MTMR12: variants seen among roughly 807,000 people sequenced by gnomAD.
MTMR12 encodes myotubularin related protein 12, also known as myotubularin-related protein 12.
A neutral mutation model predicts 96.7 loss-of-function variants in MTMR12; 33 were observed. The observed-to-expected ratio is 0.34, with a 90% CI of 0.26 to 0.46. The LOEUF (loss-of-function observed/expected upper bound fraction) is 0.46, where lower values mean the gene tolerates loss of function less well. MTMR12 is among the 20% of genes least tolerant of loss of function. The pLI is 1.00. For missense variants in MTMR12, 721 were observed against 896.1 expected (o/e 0.80, Z 2.49); for synonymous variants, 298 against 327.2 (o/e 0.91, Z 0.96).
At chr5:32,270,473 C>G (rs1749788592) in intron 5 of MTMR12, among the ~76,000 whole-genome samples, 1 of 152,198 alleles carries the variant, frequency 6.6e-6, no homozygotes, top group East Asian at 1.9e-4. Context: ...TTTGGAAAGA[C>G]TGTCAGAGGT....
chr5:32,290,870 C>T (rs749426597), intron 1 of MTMR12, among the ~76,000 whole-genome samples: 31 of 152,156 alleles, frequency 2.0e-4, no homozygotes, highest in Admixed American at 7.9e-4. Flanking sequence ...GCTCTTGGCC[C>T]GTTACTGGGC....
intron 1 of MTMR12, among the ~76,000 whole-genome samples, chr5:32,286,451 T>C (rs1750542683): frequency 2.6e-5 from 4 of 152,020 alleles, no homozygotes; most frequent in Admixed American, 2.0e-4. Flanking sequence ...TGGTTGAAAG[T>C]TGAGGCTGCA....
chr5:32,279,349 G>A (rs1488811436), intron 1 of MTMR12, among the ~76,000 whole-genome samples: 2 of 152,070 alleles, frequency 1.3e-5, no homozygotes, highest in African/African-American at 4.8e-5. Flanking sequence ...GAGGCCAGGA[G>A]GTCAAGGCTG....
chr5:32,232,008 C>T lies in MTMR12; in HGVS notation c.1675-1661G>A, dbSNP rs145371328. Among the ~76,000 whole-genome samples the T allele has an allele frequency of 1.8e-3, 272 of 152,364 alleles. 1 individual carries two copies. Among genetic ancestry groups the T allele is most frequent in the African/African-American group, 6.3e-3 (264 of 41,592 alleles). ...TGGTTCAAATAGTCTGGCTCCAGAG[C>T]CTGGGCTCTCTACTGAGCTCTCCTT... On this transcript the variant is annotated intron_variant, in intron 15 of 15. Transcript: ENST00000382142.
At chr5:32,306,194 G>T (rs1751359254) in intron 1 of MTMR12, among the ~76,000 whole-genome samples, 1 of 152,046 alleles carries the variant, frequency 6.6e-6, no homozygotes, top group Non-Finnish European at 1.5e-5. Context: ...TGGGCCCCGA[G>T]ATCAGACTGC....
intron 1 of MTMR12, among the ~76,000 whole-genome samples, chr5:32,298,675 G>A (rs1751014691): frequency 6.6e-6 from 1 of 152,028 alleles, no homozygotes; most frequent in South Asian, 2.1e-4. Flanking sequence ...GAGGCCAGGC[G>A]CAGTGGCTCA....
intron 7 of MTMR12, among the ~76,000 whole-genome samples, chr5:32,262,443 G>A (rs1484886627): frequency 3.3e-5 from 5 of 151,714 alleles, no homozygotes; most frequent in African/African-American, 1.2e-4. Context: ...TCTACAAAAA[G>A]CAGAAAAATT....
chr5:32,263,148 T>G lies in MTMR12; in HGVS notation c.678A>C (p.Ala226=), dbSNP rs1432404567. 2 of 1,614,116 alleles carry G rather than the reference T, an allele frequency of 1.2e-6. No homozygotes were observed. The highest frequency in any genetic ancestry group is 2.7e-5 in the African/African-American group (2 of 74,946). ...ERTKGNMKYK[A]VSVNEGYKVC... Reference sequence around the variant, plus strand: ...CTTTATAGCCTTCGTTGACACTCACTGCTTTGTACTTCATGTTGCCTTTGG... The same window carrying G: ...CTTTATAGCCTTCGTTGACACTCACGGCTTTGTACTTCATGTTGCCTTTGG... Residue 226 remains alanine, a synonymous_variant, in exon 7 of 16, where the codon GCA becomes GCC. Coordinates refer to ENST00000382142, the MANE Select transcript of MTMR12 (RefSeq NM_001040446.3).
chr5:32,282,420 AAAATAAATAAATAAATAAAT>A (rs202223564), intron 1 of MTMR12, among the ~76,000 whole-genome samples: 9 of 144,994 alleles, frequency 6.2e-5, no homozygotes, highest in East Asian at 3.9e-4. Context: ...GACTCCATCT[AAAATAAATAAATAAATAAAT>A]AAATAAATAA....
At chr5:32,298,050 A>C (rs1026788662) in intron 1 of MTMR12, among the ~76,000 whole-genome samples, 1 of 152,252 alleles carries the variant, frequency 6.6e-6, no homozygotes, top group Admixed American at 6.5e-5. Flanking sequence ...AAAGCTAGTT[A>C]GGATTTGGAT....
intron 1 of MTMR12, among the ~76,000 whole-genome samples, chr5:32,291,975 C>A (rs1005196820): frequency 1.1e-4 from 16 of 152,158 alleles, no homozygotes; most frequent in Non-Finnish European, 2.4e-4. Flanking sequence ...CATCCATGGA[C>A]TCACGGAATG....
intron 13 of MTMR12, 27 bp downstream of exon 13, chr5:32,238,974 G>C: frequency 6.5e-7 from 1 of 1,544,056 alleles, no homozygotes; most frequent in Non-Finnish European, 8.8e-7. Context: ...CCCTATGACG[G>C]AAACAGTCTG....
rs528536060 is a variant in MTMR12 at position 32,290,743 on chromosome 5, G to C, written c.82-14001C>G. Among the ~76,000 whole-genome samples, 132 of 152,328 alleles carry C rather than the reference G, an allele frequency of 8.7e-4. 1 individual carries two copies. Among genetic ancestry groups the C allele is most frequent in the African/African-American group, 3.1e-3 (130 of 41,572 alleles). ...TGCTTGAGGTGTCAGTGGCAGATAG[G>C]GATGCCATTTGGAGCCTTTGGCAGG... On this transcript the variant is annotated intron_variant, in intron 1 of 15. Transcript: ENST00000382142.
intron 7 of MTMR12, among the ~76,000 whole-genome samples, chr5:32,258,902 CAAAAA>C (rs5867141): frequency 4.4e-5 from 4 of 90,558 alleles, no homozygotes; most frequent in African/African-American, 1.5e-4. Context: ...TGGTCTTTCA[CAAAAA>C]AAAAAAAAAA....
intron 1 of MTMR12, among the ~76,000 whole-genome samples, chr5:32,308,794 G>A (rs141410513): frequency 2.0e-5 from 3 of 151,896 alleles, no homozygotes; most frequent in Non-Finnish European, 4.4e-5. Context: ...TAGTAGAGAC[G>A]GGGTTTCACC....
chr5:32,232,704 A>T (rs574004873), intron 15 of MTMR12, among the ~76,000 whole-genome samples: 2 of 152,362 alleles, frequency 1.3e-5, no homozygotes, highest in East Asian at 3.9e-4. Flanking sequence ...AATTCTGGTT[A>T]AACTGGCAGA....
chr5:32,286,078 G>A (rs1750529602), intron 1 of MTMR12, among the ~76,000 whole-genome samples: 1 of 152,222 alleles, frequency 6.6e-6, no homozygotes, highest in Non-Finnish European at 1.5e-5. Flanking sequence ...AGTGGCTCAT[G>A]TCTATAATCC....
intron 1 of MTMR12, among the ~76,000 whole-genome samples, chr5:32,299,559 A>AGGGGAAG (rs1238136433): frequency 6.6e-6 from 1 of 152,168 alleles, no homozygotes; most frequent in African/African-American, 2.4e-5. Flanking sequence ...TATAAACATT[A>AGGGGAAG]AGTTAGGGGA....
At chr5:32,232,308 G>C (rs186060892) in intron 15 of MTMR12, among the ~76,000 whole-genome samples, 2 of 152,200 alleles carry the variant, frequency 1.3e-5, no homozygotes, top group African/African-American at 2.4e-5. Context: ...CTTACCCAAA[G>C]GCTTCAAGGT....
Sources: allele counts gnomAD v4.1 joint callset (sites outside exome capture counted in the v4.1 genomes callset), GRCh38; gene constraint gnomAD v4.1.1; transcripts MANE v1.5; gene names NCBI Gene and HGNC (gene_info 2026-07-23, HGNC 2026-07-21).